Variants in PXT1 observed in about 807,000 individuals in gnomAD.
The protein encoded by PXT1 is peroxisomal testis-specific protein 1.
In PXT1, 11 loss-of-function variants were observed where a neutral mutation model predicts 11.0. The observed-to-expected ratio is 1.00, with a 90% CI of 0.63 to 1.66. The LOEUF (loss-of-function observed/expected upper bound fraction) is 1.66, where lower values mean the gene tolerates loss of function less well. PXT1 is among the 40% of genes most tolerant of loss of function. The pLI, the probability that PXT1 is intolerant of heterozygous loss-of-function variation, is 0.00. For missense variants in PXT1, 141 were observed against 155.5 expected, an observed-to-expected ratio of 0.91 and a Z score of 0.49; for synonymous variants, 43 against 51.4, an observed-to-expected ratio of 0.84 and a Z score of 0.70.
intron 3 of PXT1, among the ~76,000 whole-genome samples, chr6:36,414,080 C>G (rs753444068): frequency 1.3e-5 from 2 of 152,180 alleles, no homozygotes; most frequent in Non-Finnish European, 2.9e-5. Flanking sequence ...AGGAATTTTT[C>G]TTCCATACAC....
intron 1 of PXT1, among the ~76,000 whole-genome samples, chr6:36,440,644 A>T (rs905303142): frequency 6.6e-6 from 1 of 152,086 alleles, no homozygotes; most frequent in South Asian, 2.1e-4. Context: ...GGGTCTTGAG[A>T]TACCTACATT....
chr6:36,405,529 C>T (rs962228672), intron 3 of PXT1, among the ~76,000 whole-genome samples: 4 of 152,276 alleles, frequency 2.6e-5, no homozygotes, highest in Admixed American at 6.5e-5. Context: ...CAGGCACGTG[C>T]CACCACGCCT....
At chr6:36,391,911 T>G in intron 4 of PXT1, 37 bp from the exon 5 acceptor site, 4 of 1,232,440 alleles carry the variant, frequency 3.2e-6, no homozygotes, top group Non-Finnish European at 4.5e-6. Context: ...AAAGGTTTTT[T>G]TTTTTTTTTA....
chr6:36,409,142 G>A (rs1340768624), intron 3 of PXT1, among the ~76,000 whole-genome samples: 1 of 152,124 alleles, frequency 6.6e-6, no homozygotes, highest in Non-Finnish European at 1.5e-5. Context: ...GGGTCTAGGG[G>A]CTTCTGGTTC....
intron 3 of PXT1, 71 bp downstream of exon 3, chr6:36,425,843 T>G (rs575839723): frequency 3.7e-5 from 30 of 809,232 alleles, no homozygotes; most frequent in African/African-American, 2.2e-4. Flanking sequence ...ATGTCCAATT[T>G]TATGGTCTTA....
At chr6:36,407,824 T>C (rs1364862496) in intron 3 of PXT1, among the ~76,000 whole-genome samples, 1 of 152,190 alleles carries the variant, frequency 6.6e-6, no homozygotes, top group Non-Finnish European at 1.5e-5. Context: ...GTTTCCTTCC[T>C]ACATTTTCCC....
At chr6:36,398,971 T>A (rs1415430781) in intron 4 of PXT1, among the ~76,000 whole-genome samples, 1 of 152,194 alleles carries the variant, frequency 6.6e-6, no homozygotes, top group African/African-American at 2.4e-5. Flanking sequence ...TGCTGCTCAC[T>A]GCTGTAGCCA....
rs372805983 is a variant in PXT1, at chr6:36,395,772, G to A, written c.301-3898C>T. ...CCTAGCACTTTGGGAGGCCGAGGCA[G>A]GCAGATTGCTTGAGCCCAGGAGTTT... On this transcript the variant is annotated intron_variant, in intron 4 of 4. Transcript: ENST00000454782. Among the ~76,000 whole-genome samples the A allele has an allele frequency of 5.3e-5, 8 of 152,208 alleles. No homozygotes were observed. The East Asian group carries it at 1.4e-3, about 26-fold the overall frequency.
intron 3 of PXT1, among the ~76,000 whole-genome samples, chr6:36,403,894 C>A (rs571305268): frequency 1.3e-5 from 2 of 152,206 alleles, no homozygotes; most frequent in South Asian, 4.2e-4. Context: ...TTGTAGGTAC[C>A]TTTATGATGT....
In PXT1 at chr6:36,391,435, T is replaced by C; in HGVS notation, c.*335A>G. On this transcript the variant is annotated 3_prime_UTR_variant, in exon 5 of 5. Coordinates refer to ENST00000454782, the MANE Select transcript of PXT1 (RefSeq NM_152990.4). ...TTTAGTTTGAGGACGAGGTTCTCTT[T>C]CATTCCTGGAAGGAAATGTTCAAGG... 1 of 258,296 alleles carries C rather than the reference T, an allele frequency of 3.9e-6. No homozygotes were observed. 16.0% of individuals were successfully genotyped at this position (258,296 alleles called of 1,614,324 possible).
chr6:36,421,078 G>A (rs371536624), intron 3 of PXT1, among the ~76,000 whole-genome samples: 23 of 151,462 alleles, frequency 1.5e-4, no homozygotes, highest in African/African-American at 4.4e-4. Context: ...AAAGTATCTC[G>A]GAAGTGTCAT....
intron 3 of PXT1, among the ~76,000 whole-genome samples, chr6:36,402,951 CTT>C (rs58955450): frequency 0.41 from 59,079 of 143,294 alleles, 11,931 homozygotes; most frequent in Non-Finnish European, 0.47. Flanking sequence ...TTCTTTCTTT[CTT>C]TTTTTTTTTT....
chr6:36,419,043 G>C (rs1431596940), intron 3 of PXT1, among the ~76,000 whole-genome samples: 4 of 152,146 alleles, frequency 2.6e-5, no homozygotes, highest in Non-Finnish European at 5.9e-5. Context: ...CTATAAAATT[G>C]TATCTTGAAA....
At chr6:36,412,767 G>A (rs992826448) in intron 3 of PXT1, among the ~76,000 whole-genome samples, 3 of 152,024 alleles carry the variant, frequency 2.0e-5, no homozygotes. Context: ...GGCCTGTTCA[G>A]AGAGAGATTT....
At chr6:36,403,111 C>T (rs746110697) in intron 3 of PXT1, among the ~76,000 whole-genome samples, 6 of 152,240 alleles carry the variant, frequency 3.9e-5, no homozygotes, top group Non-Finnish European at 5.9e-5. Flanking sequence ...CTGCCCACTT[C>T]GGCCTCCCAA....
In PXT1 at chr6:36,426,090, C is replaced by G. The variant is rs1338326750; in HGVS notation, c.-8G>C. On this transcript the variant is annotated splice_region_variant and 5_prime_UTR_variant, in exon 3 of 5. Coordinates refer to ENST00000454782, the MANE Select transcript of PXT1 (RefSeq NM_152990.4). ...ATCATGTTTTTTCTTCATGTTTTTT[C>G]CCTGTTGAAAAACATATTTTCAGAG... is the stretch of plus-strand genomic sequence containing the variant. 2.7e-6 allele frequency: 4 copies of G among 1,496,274 alleles called. No individual in the cohort carries two copies. Among genetic ancestry groups the G allele is most frequent in the South Asian group, 1.3e-5 (1 of 77,226 alleles). 92.7% of individuals were successfully genotyped at this position (1,496,274 alleles called of 1,614,324 possible). A position where few individuals can be genotyped will look rare whatever the true frequency, so the allele number is the denominator to read the frequency against.
At chr6:36,412,458 G>T (rs1386280796) in intron 3 of PXT1, among the ~76,000 whole-genome samples, 2 of 147,592 alleles carry the variant, frequency 1.4e-5, no homozygotes, top group African/African-American at 5.0e-5. Context: ...TCAAGAAATC[G>T]AGACCATCCT....
At chr6:36,419,414 A>T (rs1326800474) in intron 3 of PXT1, among the ~76,000 whole-genome samples, 4 of 152,252 alleles carry the variant, frequency 2.6e-5, no homozygotes, top group Non-Finnish European at 5.9e-5. Context: ...AGGAGCTACA[A>T]GGAAACCAAC....
chr6:36,434,686 T>C (rs1023513206), intron 2 of PXT1, among the ~76,000 whole-genome samples: 1 of 152,238 alleles, frequency 6.6e-6, no homozygotes, highest in Non-Finnish European at 1.5e-5. Flanking sequence ...TAATCATGCA[T>C]ATTTATAACA....
Sources: allele counts gnomAD v4.1 joint callset (sites outside exome capture counted in the v4.1 genomes callset), GRCh38; gene constraint gnomAD v4.1.1; transcripts MANE v1.5; gene names NCBI Gene and HGNC (gene_info 2026-07-23, HGNC 2026-07-21).